ROBO1: variants seen among roughly 807,000 people sequenced by gnomAD.
ROBO1 encodes the protein roundabout homolog 1.
In ROBO1, 149 loss-of-function variants were observed where a neutral mutation model predicts 195.9. The observed-to-expected ratio is 0.76, with a 90% CI of 0.67 to 0.87. The LOEUF (loss-of-function observed/expected upper bound fraction) is 0.87. Ranked by LOEUF, ROBO1 falls within the 40% of genes least tolerant of loss-of-function variation. The pLI is 0.00. For missense variants in ROBO1, 1,933 were observed against 2,068.3 expected (o/e 0.93, Z 1.27); for synonymous variants, 816 against 733.2 (o/e 1.11, Z -1.82).
chr3:78,642,757 A>T (rs1706044439), intron 21 of ROBO1, among the ~76,000 whole-genome samples: 1 of 152,128 alleles, frequency 6.6e-6, no homozygotes, highest in Non-Finnish European at 1.5e-5. Context: ...GCCCTTTTTA[A>T]GTTGGGAAGC....
At chr3:79,733,144 A>T (rs2107367099) in intron 1 of ROBO1, among the ~76,000 whole-genome samples, 1 of 152,258 alleles carries the variant, frequency 6.6e-6, no homozygotes, top group African/African-American at 2.4e-5. Flanking sequence ...CAAGGGCTAC[A>T]CTTTTTACCT....
At chr3:79,478,001 G>T (rs1208718638) in intron 2 of ROBO1, among the ~76,000 whole-genome samples, 1 of 152,072 alleles carries the variant, frequency 6.6e-6, no homozygotes, top group Non-Finnish European at 1.5e-5. Flanking sequence ...TAATTTTAAA[G>T]ACATTAGTGC....
rs1047081644 is a variant in ROBO1 at position 78,851,018 on chromosome 3, G to C, written c.499+87583C>G. Among the ~76,000 whole-genome samples, 14 of 152,024 alleles carry C rather than the reference G, an allele frequency of 9.2e-5. 1 individual carries two copies. On this transcript the variant is annotated intron_variant, in intron 4 of 30. Coordinates refer to ENST00000464233, the MANE Select transcript of ROBO1 (RefSeq NM_002941.4). ...GACGGAGTTTCACTATGTTGGCCAG[G>C]CTGGTCTCGAACTCCTGACCTCAGG...
At chr3:78,647,035 A>G (rs1377282252) in intron 20 of ROBO1, among the ~76,000 whole-genome samples, 2 of 152,074 alleles carry the variant, frequency 1.3e-5, no homozygotes, top group Non-Finnish European at 1.5e-5. Flanking sequence ...AACTGCTCCC[A>G]GTGATGACAA....
chr3:79,614,845 T>C (rs971206483), intron 1 of ROBO1, among the ~76,000 whole-genome samples: 39 of 152,068 alleles, frequency 2.6e-4, no homozygotes, highest in South Asian at 2.1e-4. Context: ...AAGAGTCTTA[T>C]TTGGAAAATT....
At chr3:78,965,034 C>G (rs956769866) in intron 3 of ROBO1, among the ~76,000 whole-genome samples, 1 of 151,678 alleles carries the variant, frequency 6.6e-6, no homozygotes, top group African/African-American at 2.4e-5. Context: ...TTATATATGA[C>G]TTCAAACTCT....
At chr3:78,892,874 C>T (rs1255781330) in intron 4 of ROBO1, among the ~76,000 whole-genome samples, 2 of 152,158 alleles carry the variant, frequency 1.3e-5, no homozygotes, top group South Asian at 2.1e-4. Flanking sequence ...CCATTCCACT[C>T]TCAAAAGATA....
At chr3:78,923,119 T>C (rs1014079636) in intron 4 of ROBO1, among the ~76,000 whole-genome samples, 5 of 152,058 alleles carry the variant, frequency 3.3e-5, no homozygotes, top group Non-Finnish European at 7.4e-5. Context: ...GACAAGAAAA[T>C]GAAGTCACAG....
At chr3:79,506,254 A>G (rs1342750345) in intron 2 of ROBO1, among the ~76,000 whole-genome samples, 1 of 152,204 alleles carries the variant, frequency 6.6e-6, no homozygotes. Context: ...AAGTGGAGGC[A>G]GCAATATCAA....
intron 2 of ROBO1, among the ~76,000 whole-genome samples, chr3:79,161,766 C>T (rs1169155074): frequency 6.6e-6 from 1 of 152,086 alleles, no homozygotes; most frequent in African/African-American, 2.4e-5. Context: ...AGTACCATCG[C>T]TCTCCTTCTT....
chr3:79,476,912 A>C (rs2107352929), intron 2 of ROBO1, among the ~76,000 whole-genome samples: 1 of 152,204 alleles, frequency 6.6e-6, no homozygotes, highest in African/African-American at 2.4e-5. Flanking sequence ...AACCTATGTA[A>C]ATTTAAAAAT....
At chr3:78,725,493 G>A (rs2108142631) in intron 5 of ROBO1, among the ~76,000 whole-genome samples, 1 of 151,966 alleles carries the variant, frequency 6.6e-6, no homozygotes, top group Non-Finnish European at 1.5e-5. Flanking sequence ...TTTTTTTAGG[G>A]GTAAAGACTT....
At chr3:79,421,496 G>A (rs1231645130) in intron 2 of ROBO1, among the ~76,000 whole-genome samples, 2 of 152,098 alleles carry the variant, frequency 1.3e-5, no homozygotes, top group Non-Finnish European at 2.9e-5. Context: ...GCCGTGTGGG[G>A]AAGAACCCAG....
intron 8 of ROBO1, among the ~76,000 whole-genome samples, chr3:78,704,822 A>AC (rs2081511668): frequency 6.6e-6 from 1 of 152,128 alleles, no homozygotes; most frequent in Non-Finnish European, 1.5e-5. Flanking sequence ...AACCTGGGTG[A>AC]CATAATGAGA....
At chr3:79,654,059 T>C (rs949689183) in intron 1 of ROBO1, among the ~76,000 whole-genome samples, 1 of 152,132 alleles carries the variant, frequency 6.6e-6, no homozygotes, top group Non-Finnish European at 1.5e-5. Context: ...TTACTTTGTA[T>C]GTCTAACTGT....
At chr3:78,628,768 G>C (rs1280650135) in intron 25 of ROBO1, among the ~76,000 whole-genome samples, 1 of 152,054 alleles carries the variant, frequency 6.6e-6, no homozygotes, top group Non-Finnish European at 1.5e-5. Context: ...ATCCAAACTA[G>C]AAATGTTTTA....
intron 2 of ROBO1, among the ~76,000 whole-genome samples, chr3:79,404,714 T>C (rs999764695): frequency 6.6e-6 from 1 of 152,136 alleles, no homozygotes; most frequent in Admixed American, 6.6e-5. Context: ...TGTGTTGCTT[T>C]AGTGCAAAGG....
At chr3:78,996,715 A>AACACAC (rs113443642) in intron 3 of ROBO1, among the ~76,000 whole-genome samples, 1 of 150,910 alleles carries the variant, frequency 6.6e-6, no homozygotes, top group African/African-American at 2.4e-5. Context: ...CACACACACA[A>AACACAC]ACACACACAC....
Position 78,606,918 on chromosome 3 carries a change from C to A in ROBO1, c.4559G>T (p.Arg1520Ile). 1 of 1,613,918 alleles carries A rather than the reference C, an allele frequency of 6.2e-7. No homozygotes were observed. Among genetic ancestry groups the A allele is most frequent in the South Asian group, 1.1e-5 (1 of 91,076 alleles). The stretch of plus-strand genomic sequence containing the variant: ...ACTGCTTCCTTTTCTGTCTGATGAT[C>A]TGTCTGTTCTTGCATCCATAGAAGG... ...KLPSMDARTD[R>I]SSDRKGSSYK... The change falls in exon 29 of 31, where the codon AGA becomes ATA. Residue 1520 changes from arginine to isoleucine, a missense_variant. By Grantham distance (97) the Arg-to-Ile change is moderately conservative. Around this residue, in one of 3 missense-constraint regions of ROBO1, gnomAD observed 1,737 missense variants for 1,882.5 expected, o/e 0.92. Transcript: ENST00000464233.
Sources: allele counts gnomAD v4.1 joint callset (sites outside exome capture counted in the v4.1 genomes callset), GRCh38; gene constraint gnomAD v4.1.1; regional missense constraint gnomAD v4.1.1; transcripts MANE v1.5; gene names NCBI Gene and HGNC (gene_info 2026-07-23, HGNC 2026-07-21).